Variants in FRMPD4 observed in about 807,000 individuals in gnomAD.
The protein encoded by FRMPD4 is FERM and PDZ domain containing 4.
In FRMPD4, 22 loss-of-function variants were observed where a neutral mutation model predicts 94.1. That is an observed-to-expected ratio of 0.23 (90% CI 0.17 to 0.33). The LOEUF (loss-of-function observed/expected upper bound fraction) is 0.33. Among genes scored for constraint, FRMPD4 ranks in the 10% least tolerant of loss-of-function variants. FRMPD4 has a pLI of 1.00. For missense variants in FRMPD4, 1,111 were observed against 1,339.9 expected (o/e 0.83, Z 2.67); for synonymous variants, 631 against 548.6 (o/e 1.15, Z -2.10).
chrX:12,698,703 G>T (rs1602341392), intron 9 of FRMPD4, among the ~76,000 whole-genome samples: 1 of 110,792 alleles, frequency 9.0e-6, no homozygotes, highest in South Asian at 3.8e-4. Flanking sequence ...TAATCACCTT[G>T]TCAAAAAATT....
At chrX:12,450,309 TA>T (rs1347893836) in intron 1 of FRMPD4, among the ~76,000 whole-genome samples, 1 of 110,762 alleles carries the variant, frequency 9.0e-6, no homozygotes, top group African/African-American at 3.3e-5. Context: ...TCTGTCCTAT[TA>T]AAAAAAAGGG....
At chrX:12,032,744 T>C (rs2054699415) in intron 3 of FRMPD4, among the ~76,000 whole-genome samples, 1 of 112,151 alleles carries the variant, frequency 8.9e-6, no homozygotes, top group South Asian at 3.7e-4. Context: ...TATGAATCTG[T>C]CAGTGGTAAA....
intron 1 of FRMPD4, among the ~76,000 whole-genome samples, chrX:12,139,566 T>G (rs2055661960): frequency 1.9e-5 from 2 of 106,161 alleles, no homozygotes; most frequent in East Asian, 2.9e-4. Flanking sequence ...GGGGGGTAAC[T>G]ATATTCTTAA....
chrX:12,289,607 G>C (rs2054654497), intron 1 of FRMPD4, among the ~76,000 whole-genome samples: 1 of 111,455 alleles, frequency 9.0e-6, no homozygotes, highest in Non-Finnish European at 1.9e-5. Flanking sequence ...AATGTTCAGG[G>C]TGTACAGAGT....
At chrX:12,117,493 G>A (rs1355418139) in intron 3 of FRMPD4, among the ~76,000 whole-genome samples, 1 of 111,121 alleles carries the variant, frequency 9.0e-6, no homozygotes, top group East Asian at 2.8e-4. Flanking sequence ...CTACACTCAT[G>A]TCCTAATGTT....
intron 1 of FRMPD4, among the ~76,000 whole-genome samples, chrX:11,854,535 G>A (rs1166258121): frequency 8.9e-6 from 1 of 112,363 alleles, no homozygotes; most frequent in Non-Finnish European, 1.9e-5. Flanking sequence ...TAGATACAAT[G>A]GGGGTATAGG....
At chrX:12,392,076 C>G (rs888856499) in intron 1 of FRMPD4, among the ~76,000 whole-genome samples, 18 of 109,489 alleles carry the variant, frequency 1.6e-4, no homozygotes, top group African/African-American at 6.0e-4. Context: ...TTCTGTCGCC[C>G]AGGCTGCAGT....
chrX:12,101,633 T>G (rs1462948067), intron 3 of FRMPD4, among the ~76,000 whole-genome samples: 5 of 111,810 alleles, frequency 4.5e-5, no homozygotes. Context: ...TGTCTTTATT[T>G]TCCAGGTTTA....
At chrX:12,210,123 A>G (rs1309598479) in intron 1 of FRMPD4, among the ~76,000 whole-genome samples, 1 of 112,059 alleles carries the variant, frequency 8.9e-6, no homozygotes, top group Non-Finnish European at 1.9e-5. Flanking sequence ...AAATCCATGC[A>G]CAAAACAATA....
intron 1 of FRMPD4, among the ~76,000 whole-genome samples, chrX:12,456,258 T>C (rs1212861340): frequency 8.9e-6 from 1 of 112,027 alleles, no homozygotes; most frequent in Non-Finnish European, 1.9e-5. Context: ...TCTTTCTCTC[T>C]CTCTTCTTTC....
chrX:12,692,781 T>C (rs1003832364), intron 8 of FRMPD4, among the ~76,000 whole-genome samples: 1 of 111,784 alleles, frequency 8.9e-6, no homozygotes, highest in Non-Finnish European at 1.9e-5. Context: ...ATTAAAGGAG[T>C]CAGAGATATA....
At chrX:11,986,643 C>T (rs1359308232) in intron 3 of FRMPD4, among the ~76,000 whole-genome samples, 1 of 110,849 alleles carries the variant, frequency 9.0e-6, no homozygotes, top group Non-Finnish European at 1.9e-5. Flanking sequence ...AAATTGGTTG[C>T]TTAAAAAGAT....
chrX:11,901,991 T>C (rs1266693959), intron 3 of FRMPD4, among the ~76,000 whole-genome samples: 1 of 112,061 alleles, frequency 8.9e-6, no homozygotes, highest in African/African-American at 3.3e-5. Flanking sequence ...TTACAGATTC[T>C]GGATATTAGT....
At chrX:12,160,637 A>G (rs922389532) in intron 1 of FRMPD4, among the ~76,000 whole-genome samples, 8 of 111,787 alleles carry the variant, frequency 7.2e-5, no homozygotes, top group Non-Finnish European at 1.9e-5. Context: ...TTTAATATAT[A>G]TGAAGATTGC....
chrX:11,859,038 G>C (rs2053669600), intron 1 of FRMPD4, among the ~76,000 whole-genome samples: 1 of 111,776 alleles, frequency 8.9e-6, no homozygotes, highest in Admixed American at 9.5e-5. Context: ...CCTATCCTTG[G>C]TTCTAATAAA....
chrX:12,264,154 A>G (rs1273282226), intron 1 of FRMPD4, among the ~76,000 whole-genome samples: 2 of 111,583 alleles, frequency 1.8e-5, no homozygotes, highest in Non-Finnish European at 3.8e-5. Context: ...AAATATTGCC[A>G]TTTCCTGAGA....
chrX:11,962,668 A>T (rs755254967), intron 3 of FRMPD4, among the ~76,000 whole-genome samples: 1 of 111,255 alleles, frequency 9.0e-6, no homozygotes, highest in Non-Finnish European at 1.9e-5. Flanking sequence ...AGAAAAGCAA[A>T]ACTGGAAGGA....
At chrX:12,363,069 T>C (rs945573262) in intron 1 of FRMPD4, among the ~76,000 whole-genome samples, 4 of 112,498 alleles carry the variant, frequency 3.6e-5, no homozygotes, top group Non-Finnish European at 7.5e-5. Flanking sequence ...TTTTTTCTTG[T>C]AAATTTGTTT....
In FRMPD4 at chrX:12,709,716, G is replaced by A. The variant is rs770172194; in HGVS notation, c.1471-683G>A. 2.8e-4 allele frequency among the ~76,000 whole-genome samples: 31 copies of A among 112,073 alleles called. No homozygotes were observed. In the South Asian group the frequency reaches 0.011, roughly 39 times the overall value. ...TTGTGAGTTCACTGCTGGTAACTGA[G>A]GTAACTGGTAACTTAACTAGTTAAT... On this transcript the variant is annotated intron_variant, in intron 13 of 16. Coordinates refer to ENST00000675598, the MANE Select transcript of FRMPD4 (RefSeq NM_001368397.1).
Sources: gnomAD v4.1 joint callset for allele counts (sites outside exome capture counted in the v4.1 genomes callset) on GRCh38, gnomAD v4.1.1 for gene constraint, MANE v1.5 for transcripts, NCBI Gene and HGNC (gene_info 2026-07-23, HGNC 2026-07-21) for gene names.